Variants in AKT3 observed in about 807,000 individuals in gnomAD.
AKT3 encodes AKT serine/threonine kinase 3.
A neutral mutation model predicts 65.3 loss-of-function variants in AKT3; 15 were observed. The ratio of observed to expected loss-of-function variants is 0.23; its 90% CI spans 0.15 to 0.35. AKT3 has a LOEUF of 0.35. Ranked by LOEUF, AKT3 falls within the 10% of genes least tolerant of loss-of-function variation. AKT3 has a pLI of 1.00. For synonymous variants in AKT3, 206 were observed against 183.8 expected (o/e 1.12, Z -0.98); for missense variants, 243 against 576.5 (o/e 0.42, Z 5.92).
intron 2 of AKT3, among the ~76,000 whole-genome samples, chr1:243,744,699 C>G (rs1479677864): frequency 6.7e-6 from 1 of 149,058 alleles, no homozygotes; most frequent in Non-Finnish European, 1.5e-5. Flanking sequence ...AGATCGCGCC[C>G]CTGCACTCCA....
At chr1:243,592,854 A>C (rs577391331) in intron 8 of AKT3, among the ~76,000 whole-genome samples, 150 of 152,332 alleles carry the variant, frequency 9.8e-4, no homozygotes, top group African/African-American at 3.5e-3. Flanking sequence ...CTGGTTTAAA[A>C]CAAAAATAAT....
intron 13 of AKT3, among the ~76,000 whole-genome samples, chr1:243,511,037 A>AT (rs1237354539): frequency 2.6e-5 from 4 of 152,216 alleles, no homozygotes; most frequent in Non-Finnish European, 5.9e-5. Context: ...GCTTTCCAAC[A>AT]TTGTCTGTGA....
At chr1:243,489,807 C>T (rs1435395587) in intron 13 of AKT3, among the ~76,000 whole-genome samples, 1 of 152,234 alleles carries the variant, frequency 6.6e-6, no homozygotes, top group African/African-American at 2.4e-5. Context: ...CCTGACTCCA[C>T]AGCCCAGGCT....
At chr1:243,674,411 A>G (rs551229533) in intron 3 of AKT3, among the ~76,000 whole-genome samples, 17 of 152,356 alleles carry the variant, frequency 1.1e-4, no homozygotes, top group African/African-American at 3.4e-4. Context: ...ACATAACGCA[A>G]TATGAAGTAC....
chr1:243,734,501 T>G (rs1321491280), intron 2 of AKT3, among the ~76,000 whole-genome samples: 1 of 151,972 alleles, frequency 6.6e-6, no homozygotes, highest in African/African-American at 2.4e-5. Context: ...TATCTGTGTA[T>G]CTAGACAAAT....
At chr1:243,793,723 A>C (rs1309035130) in intron 2 of AKT3, 3 of 151,724 alleles carry the variant, frequency 2.0e-5, no homozygotes, top group South Asian at 2.1e-4. Context: ...AGTGAGCTAT[A>C]ATCGCACCAC....
intron 3 of AKT3, among the ~76,000 whole-genome samples, chr1:243,690,662 A>C (rs1474219044): frequency 6.8e-6 from 1 of 147,962 alleles, no homozygotes; most frequent in African/African-American, 2.5e-5. Flanking sequence ...ATACCTAGTA[A>C]TTTAAGTGCT....
At chr1:243,721,054 C>A (rs1208852702) in intron 2 of AKT3, among the ~76,000 whole-genome samples, 1 of 152,078 alleles carries the variant, frequency 6.6e-6, no homozygotes, top group Admixed American at 6.5e-5. Context: ...CATTCTCCCC[C>A]AAAGCAAGTA....
At chr1:243,797,239 C>T (rs1218460389) in intron 2 of AKT3, among the ~76,000 whole-genome samples, 1 of 151,918 alleles carries the variant, frequency 6.6e-6, no homozygotes, top group African/African-American at 2.4e-5. Context: ...TCACTCTATG[C>T]AAAGCTCTCT....
In AKT3 at chr1:243,745,833, G is replaced by A. The variant is rs190058010; in HGVS notation, c.47-50117C>T. Among the ~76,000 whole-genome samples the A allele has an allele frequency of 1.5e-3, 227 of 152,218 alleles. 1 individual carries two copies. Among genetic ancestry groups the A allele is most frequent in the African/African-American group, 5.3e-3 (219 of 41,518 alleles). ...GCACTAGGAATGGAGGTTTTATTAT[G>A]CAAAGGAATTTCCGATACATGCCTT... is the stretch of plus-strand genomic sequence containing the variant. On this transcript the variant is annotated intron_variant, in intron 2 of 13. Coordinates refer to ENST00000673466, the MANE Select transcript of AKT3 (RefSeq NM_005465.7).
chr1:243,834,511 T>C (rs1337975034), intron 2 of AKT3, among the ~76,000 whole-genome samples: 1 of 152,166 alleles, frequency 6.6e-6, no homozygotes, highest in African/African-American at 2.4e-5. Context: ...GGGTGTACTT[T>C]GTGTACACAT....
At chr1:243,654,959 G>A (rs1173348062) in intron 4 of AKT3, among the ~76,000 whole-genome samples, 1 of 151,830 alleles carries the variant, frequency 6.6e-6, no homozygotes, top group Admixed American at 6.6e-5. Flanking sequence ...TTGAAACTAT[G>A]GTTTGGTATC....
At chr1:243,769,521 A>C (rs1321039560) in intron 2 of AKT3, among the ~76,000 whole-genome samples, 1 of 152,162 alleles carries the variant, frequency 6.6e-6, no homozygotes, top group Non-Finnish European at 1.5e-5. Flanking sequence ...ACATGATTTT[A>C]ATTTGCACTT....
chr1:243,658,714 A>C (rs1047379329), intron 4 of AKT3, among the ~76,000 whole-genome samples: 1 of 152,144 alleles, frequency 6.6e-6, no homozygotes, highest in African/African-American at 2.4e-5. Context: ...AGGTGGAAAC[A>C]ATCTAAATAT....
chr1:243,655,908 T>C (rs1681744738), intron 4 of AKT3, among the ~76,000 whole-genome samples: 1 of 152,174 alleles, frequency 6.6e-6, no homozygotes, highest in Non-Finnish European at 1.5e-5. Context: ...TCTGGGTTTC[T>C]TTCTTCAATA....
Position 243,695,700 on chromosome 1 carries a change from GT to G in AKT3, c.62del (p.Asn21ThrfsTer9). The G allele has an allele frequency of 1.3e-6, 2 of 1,598,736 alleles. No homozygotes were observed. The highest frequency in any genetic ancestry group is 1.7e-6 in the Non-Finnish European group (2 of 1,173,516). ...TCAAAAGGAAGTATCTTGGCCTCCA[GT>G]TTTTTATATATTCTCCTACATGAGG... is the stretch of plus-strand genomic sequence containing the variant. ...WVQKRGEYIK[N>X]WRPRYFLLKT... On this transcript the variant is annotated frameshift_variant, in exon 3 of 14. Transcript: ENST00000673466. LOFTEE classifies it high-confidence loss of function.
At chr1:243,710,841 T>C (rs1184190414) in intron 2 of AKT3, among the ~76,000 whole-genome samples, 2 of 152,190 alleles carry the variant, frequency 1.3e-5, no homozygotes, top group Non-Finnish European at 2.9e-5. Flanking sequence ...GTTGTGACAA[T>C]CAAATAATGC....
At chr1:243,498,960 A>AG (rs1345412743), downstream of AKT3, among the ~76,000 whole-genome samples, 2 of 152,260 alleles carry the variant, frequency 1.3e-5, no homozygotes, top group African/African-American at 4.8e-5. Context: ...CTAGAGGGCG[A>AG]GGACTGTGGC....
chr1:243,702,696 G>C (rs563318383), intron 2 of AKT3, among the ~76,000 whole-genome samples: 1 of 152,010 alleles, frequency 6.6e-6, no homozygotes, highest in Non-Finnish European at 1.5e-5. Context: ...AAGTCTCTTT[G>C]GCTAGTGTCA....
Sources: gnomAD v4.1 joint callset for allele counts (sites outside exome capture counted in the v4.1 genomes callset) on GRCh38, gnomAD v4.1.1 for gene constraint, MANE v1.5 for transcripts, NCBI Gene and HGNC (gene_info 2026-07-23, HGNC 2026-07-21) for gene names.